OR2M3: variants seen among roughly 807,000 people sequenced by gnomAD.
OR2M3 encodes the protein olfactory receptor 2M3.
In OR2M3, 1 loss-of-function variant was observed where a neutral mutation model predicts 4.3. That is an observed-to-expected ratio of 0.23 (90% CI 0.08 to 1.11). The LOEUF is 1.11. OR2M3 is among the 50% of genes most tolerant of loss of function. OR2M3 has a pLI of 0.54. For synonymous variants in OR2M3, 151 were observed against 139.4 expected (o/e 1.08, Z -0.59); for missense variants, 410 against 390.4 (o/e 1.05, Z -0.42).
rs7514239 is a variant in OR2M3 at position 248,206,965 on chromosome 1, C to T, written c.*2959C>T. On this transcript the variant is annotated 3_prime_UTR_variant, in exon 2 of 2. Coordinates refer to ENST00000641626, the MANE Select transcript of OR2M3 (RefSeq NM_001004689.2). Reference sequence around the variant, plus strand: ...TGGACTTTTTTTTGGCAATTTTTTTCATTACAATTTCAGTCATGCTGCTTG... The same window carrying T: ...TGGACTTTTTTTTGGCAATTTTTTTTATTACAATTTCAGTCATGCTGCTTG... 87,361 of 151,316 alleles carry T rather than the reference C, an allele frequency of 0.58. 25,395 individuals are homozygous for T. Among genetic ancestry groups the T allele is most frequent in the Non-Finnish European group, 0.62 (42,192 of 67,790 alleles). 9.4% of individuals were successfully genotyped at this position (151,316 alleles called of 1,614,324 possible).
At chr1:248,197,787 T>C (rs1666112694) in intron 1 of OR2M3, among the ~76,000 whole-genome samples, 1 of 152,140 alleles carries the variant, frequency 6.6e-6, no homozygotes, top group Admixed American at 6.6e-5. Flanking sequence ...GTGACACTTT[T>C]GCTTCCTGAT....
In OR2M3 at chr1:248,203,272, A is replaced by T. The variant is rs1666181045; in HGVS notation, c.205A>T (p.Met69Leu). The T allele has an allele frequency of 6.2e-7, 1 of 1,613,874 alleles. No individual in the cohort carries two copies. The highest frequency in any genetic ancestry group is 1.3e-5 in the African/African-American group (1 of 74,852). Residue 69 changes from methionine (M) to leucine (L), a missense_variant, in exon 2 of 2, where the codon ATG becomes TTG. Physicochemically the swap from Met to Leu is conservative, Grantham distance 15. Transcript: ENST00000641626. ...CCTCCTCCTCAGCCAACTGTCCCTC[A>T]TGGACCTCATGCTCATCTGCACCAC... Reference protein sequence around the residue: ...MYLLLSQLSLMDLMLICTTVP... With the variant: ...MYLLLSQLSLLDLMLICTTVP...
In OR2M3 at chr1:248,207,840, G is replaced by C. The variant is rs139491702; in HGVS notation, c.*3834G>C. ...TTAATCCCATTTCTTGTAGCATATA[G>C]TTTAAGTGCATTGTTTCTTTTTTTA... On this transcript the variant is annotated 3_prime_UTR_variant, in exon 2 of 2. Coordinates refer to ENST00000641626, the MANE Select transcript of OR2M3 (RefSeq NM_001004689.2). The C allele has an allele frequency of 3.3e-5, 5 of 152,134 alleles. No homozygotes were observed. In the East Asian group the frequency reaches 9.6e-4, roughly 29 times the overall value. The allele number at this position is 152,134 out of a possible 1,614,324, so 9.4% of individuals were successfully genotyped here. A position where few individuals can be genotyped will look rare whatever the true frequency, so the allele number is the denominator to read the frequency against.
In OR2M3 at chr1:248,204,594, T is replaced by G. The variant is rs1666204244; in HGVS notation, c.*588T>G. 1 of 152,578 alleles carries G rather than the reference T, an allele frequency of 6.6e-6. No homozygotes were observed. Among genetic ancestry groups the G allele is most frequent in the South Asian group, 2.1e-4 (1 of 4,840 alleles). The allele number at this position is 152,578 out of a possible 1,614,324, so 9.5% of individuals were successfully genotyped here. A position where few individuals can be genotyped will look rare whatever the true frequency, so the allele number is the denominator to read the frequency against. ...TTGTATTTTTTATGACTGAGTAGTA[T>G]TCCATGGTATGTGTGTATATAGATA... On this transcript the variant is annotated 3_prime_UTR_variant, in exon 2 of 2. Transcript: ENST00000641626.
intron 1 of OR2M3, among the ~76,000 whole-genome samples, chr1:248,201,055 A>G (rs1436505603): frequency 6.6e-6 from 1 of 152,134 alleles, no homozygotes; most frequent in Non-Finnish European, 1.5e-5. Context: ...TCTGTTTAGA[A>G]CATAATTTTT....
At chr1:248,198,483 G>T (rs1666122097) in intron 1 of OR2M3, among the ~76,000 whole-genome samples, 3 of 152,128 alleles carry the variant, frequency 2.0e-5, no homozygotes, top group Non-Finnish European at 4.4e-5. Context: ...TGAGAGATTT[G>T]TTGTTTTGTG....
Position 248,205,260 on chromosome 1 carries a change from C to A in OR2M3, c.*1254C>A, listed in dbSNP as rs1666212570. ...ATGGGTTGTCTATTTACTCTGCTGA[C>A]CGTTCCTTTTGCAGTGCAAAAGGTC... On this transcript the variant is annotated 3_prime_UTR_variant, in exon 2 of 2. Coordinates refer to ENST00000641626, the MANE Select transcript of OR2M3 (RefSeq NM_001004689.2). 5 of 151,962 alleles carry A rather than the reference C, an allele frequency of 3.3e-5. No individual in the cohort carries two copies. In the South Asian group the frequency reaches 1.0e-3, roughly 32 times the overall value. 9.4% of individuals were successfully genotyped at this position (151,962 alleles called of 1,614,324 possible).
At position 248,203,398 on chromosome 1, in the gene OR2M3, G is replaced by C. The variant is rs1666183332; in HGVS notation, c.331G>C (p.Glu111Gln). ...IFFYTSLLGS[E>Q]CFLLAVMAYD... ...CTTCTATACATCACTGCTTGGCTCT[G>C]AGTGCTTTCTTTTGGCTGTTATGGC... The change falls in exon 2 of 2, where the codon GAG becomes CAG. Residue 111 changes from glutamate to glutamine, a missense_variant. Glu to Gln is a conservative substitution (Grantham distance 29). Coordinates refer to ENST00000641626, the MANE Select transcript of OR2M3 (RefSeq NM_001004689.2). 1 of 1,613,930 alleles carries C rather than the reference G, an allele frequency of 6.2e-7. No homozygotes were observed. The highest frequency in any genetic ancestry group is 8.5e-7 in the Non-Finnish European group (1 of 1,180,006).
Position 248,203,594 on chromosome 1 carries a change from A to G in OR2M3, c.527A>G (p.His176Arg). 6.2e-7 allele frequency: 1 copy of G among 1,613,708 alleles called. No homozygotes were observed. The highest frequency in any genetic ancestry group is 8.5e-7 in the Non-Finnish European group (1 of 1,179,788). Residue 176 changes from histidine to arginine, a missense_variant, in exon 2 of 2, where the codon CAC becomes CGC. Coordinates refer to ENST00000641626, the MANE Select transcript of OR2M3 (RefSeq NM_001004689.2). ...FSYCGSREIA[H>R]FFCDFPSLLI... ...TACTGTGGGTCTCGGGAAATAGCCC[A>G]CTTCTTCTGTGACTTCCCCTCCCTA...
rs1277846102 is a variant in OR2M3, at chr1:248,197,299, C to CCTCTT, written c.-21_-20insCTCTT. 6.6e-6 allele frequency: 1 copy of CCTCTT among 152,062 alleles called. No individual in the cohort carries two copies. Among genetic ancestry groups the CCTCTT allele is most frequent in the Admixed American group, 6.6e-5 (1 of 15,258 alleles). 9.4% of individuals were successfully genotyped at this position (152,062 alleles called of 1,614,324 possible). On this transcript the variant is annotated splice_region_variant and 5_prime_UTR_variant, in exon 1 of 2. Transcript: ENST00000641626. ...AATCTCACTGAAAATATACACTATT[C>CCTCTT]AGGTAAGTACTAAGAGGTAAGTTAA...
At position 248,208,807 on chromosome 1, in the gene OR2M3, G is replaced by C. The variant is rs927509628; in HGVS notation, c.*4801G>C. On this transcript the variant is annotated 3_prime_UTR_variant, in exon 2 of 2. Coordinates refer to ENST00000641626, the MANE Select transcript of OR2M3 (RefSeq NM_001004689.2). Reference sequence around the variant, plus strand: ...TTAGATAACTTGTTATGTACCTAGGGAATGATCTTTTTGTCATGAATTTCC... The same window carrying C: ...TTAGATAACTTGTTATGTACCTAGGCAATGATCTTTTTGTCATGAATTTCC... The C allele has an allele frequency of 2.6e-5, 4 of 152,160 alleles. No homozygotes were observed. Among genetic ancestry groups the C allele is most frequent in the African/African-American group, 9.6e-5 (4 of 41,512 alleles). 9.4% of individuals were successfully genotyped at this position (152,160 alleles called of 1,614,324 possible). A position where few individuals can be genotyped will look rare whatever the true frequency, so the allele number is the denominator to read the frequency against.
intron 1 of OR2M3, among the ~76,000 whole-genome samples, chr1:248,202,837 C>T (rs1666172697): frequency 6.6e-6 from 1 of 151,682 alleles, no homozygotes; most frequent in Non-Finnish European, 1.5e-5. Context: ...AAAGGGGATG[C>T]TCAGAAGAAA....
rs1666175030 is a variant in OR2M3 at position 248,203,055 on chromosome 1, A to G, written c.-13A>G. On this transcript the variant is annotated 5_prime_UTR_variant, in exon 2 of 2. Coordinates refer to ENST00000641626, the MANE Select transcript of OR2M3 (RefSeq NM_001004689.2). ...CGCTGGTTTTGTGGTACTAGGTAAA[A>G]AGCATACACATCATGGCAAGGGAGA... 1 of 1,602,186 alleles carries G rather than the reference A, an allele frequency of 6.2e-7. No homozygotes were observed.
At chr1:248,201,237 A>G (rs1029066364) in intron 1 of OR2M3, among the ~76,000 whole-genome samples, 6 of 151,864 alleles carry the variant, frequency 4.0e-5, no homozygotes, top group Admixed American at 3.9e-4. Flanking sequence ...TGTATGTTCT[A>G]TTTATGCATT....
rs1558253112 is a variant in OR2M3 at position 248,203,866 on chromosome 1, T to C, written c.799T>C (p.Ser267Pro). ...GTACATACGGCCCACATCTGATCGCTCCCCAACACAGGACAAGATGGTGTC... is the reference window on the plus strand; with the variant it reads ...GTACATACGGCCCACATCTGATCGCCCCCCAACACAGGACAAGATGGTGTC... The part of the protein sequence containing the change: ...FMYIRPTSDR[S>P]PTQDKMVSVF... Residue 267 changes from serine (S) to proline (P), a missense_variant, in exon 2 of 2, where the codon TCC becomes CCC. Physicochemically the swap from Ser to Pro is moderately conservative, Grantham distance 74 (BLOSUM62 -1). Transcript: ENST00000641626. 1 of 1,613,648 alleles carries C rather than the reference T, an allele frequency of 6.2e-7. No individual in the cohort carries two copies. The highest frequency in any genetic ancestry group is 8.5e-7 in the Non-Finnish European group (1 of 1,179,828).
Position 248,211,430 on chromosome 1 carries a change from C to T in OR2M3, c.*7424C>T, listed in dbSNP as rs1666281662. 1 of 151,846 alleles carries T rather than the reference C, an allele frequency of 6.6e-6. No individual in the cohort carries two copies. Among genetic ancestry groups the T allele is most frequent in the Admixed American group, 6.6e-5 (1 of 15,240 alleles). The allele number at this position is 151,846 out of a possible 1,614,324, so 9.4% of individuals were successfully genotyped here. A position where few individuals can be genotyped will look rare whatever the true frequency, so the allele number is the denominator to read the frequency against. On this transcript the variant is annotated 3_prime_UTR_variant, in exon 2 of 2. Transcript: ENST00000641626. The stretch of plus-strand genomic sequence containing the variant: ...CCTAAACTGCACAATGATACTTAAA[C>T]ATTTTATTAATAATTACAGGACTTA...
chr1:248,198,924 G>A (rs538121294), intron 1 of OR2M3, among the ~76,000 whole-genome samples: 1 of 151,524 alleles, frequency 6.6e-6, no homozygotes, highest in Non-Finnish European at 1.5e-5. Flanking sequence ...TATTGCCCTG[G>A]GTATGTGCAA....
At chr1:248,201,630 G>A (rs57745065) in intron 1 of OR2M3, among the ~76,000 whole-genome samples, 28,932 of 137,964 alleles carry the variant, frequency 0.21, 3,268 homozygotes, top group East Asian at 0.38. Context: ...AGAGTGTGAT[G>A]TTCCCCTTCC....
rs1666239078 is a variant in OR2M3 at position 248,207,773 on chromosome 1, T to C, written c.*3767T>C. The C allele has an allele frequency of 6.6e-6, 1 of 152,132 alleles. No homozygotes were observed. The highest frequency in any genetic ancestry group is 2.4e-5 in the African/African-American group (1 of 41,434). 9.4% of individuals were successfully genotyped at this position (152,132 alleles called of 1,614,324 possible). On this transcript the variant is annotated 3_prime_UTR_variant, in exon 2 of 2. Coordinates refer to ENST00000641626, the MANE Select transcript of OR2M3 (RefSeq NM_001004689.2). ...GTTCTGTGTACTGATGAATAGAATA[T>C]ATACTCTGCAGTTGCTTAGTAGAAT...
Sources: gnomAD v4.1 joint callset for allele counts (sites outside exome capture counted in the v4.1 genomes callset) on GRCh38, gnomAD v4.1.1 for gene constraint, MANE v1.5 for transcripts, NCBI Gene and HGNC (gene_info 2026-07-23, HGNC 2026-07-21) for gene names.